Variants in MCF2L observed in about 807,000 individuals in gnomAD.
The protein encoded by MCF2L is guanine nucleotide exchange factor DBS.
A neutral mutation model predicts 153.4 loss-of-function variants in MCF2L; 97 were observed. The ratio of observed to expected loss-of-function variants is 0.63; its 90% CI spans 0.54 to 0.75. The LOEUF (loss-of-function observed/expected upper bound fraction) is 0.75. Ranked by LOEUF, MCF2L falls within the 30% of genes least tolerant of loss-of-function variation. The probability of loss-of-function intolerance (pLI) is 0.00; values close to 1 mark genes in which losing one functional copy is unlikely to be tolerated. For missense variants in MCF2L, 1,347 were observed against 1,495.2 expected, an observed-to-expected ratio of 0.90 and a Z score of 1.64; for synonymous variants, 659 against 632.2, an observed-to-expected ratio of 1.04 and a Z score of -0.64.
At chr13:112,994,323 G>C (rs1401452011) in intron 1 of MCF2L, among the ~76,000 whole-genome samples, 1 of 151,438 alleles carries the variant, frequency 6.6e-6, no homozygotes, top group African/African-American at 2.4e-5. Flanking sequence ...TGACGTCACT[G>C]TCTGTGCCGG....
chr13:113,076,411 C>T (rs1321761516), intron 12 of MCF2L, among the ~76,000 whole-genome samples: 1 of 152,062 alleles, frequency 6.6e-6, no homozygotes. Flanking sequence ...ATTACAGGCG[C>T]CCACCACCAA....
At chr13:112,928,448 A>C (rs1423025272) in intron 2 of MCF2L, among the ~76,000 whole-genome samples, 1 of 152,218 alleles carries the variant, frequency 6.6e-6, no homozygotes, top group Non-Finnish European at 1.5e-5. Context: ...GGAAATGTGC[A>C]CAGAGCCTAT....
At chr13:113,004,562 C>T (rs930416958) in intron 1 of MCF2L, among the ~76,000 whole-genome samples, 4 of 152,202 alleles carry the variant, frequency 2.6e-5, no homozygotes, top group South Asian at 2.1e-4. Context: ...TCACCAAAGC[C>T]GTCTGCCTGC....
In MCF2L at chr13:113,053,943, TTGA is replaced by T. The variant is rs991185700; in HGVS notation, c.370-6647_370-6645del. Among the ~76,000 whole-genome samples the T allele has an allele frequency of 6.6e-6, 1 of 152,134 alleles. No homozygotes were observed. Among genetic ancestry groups the T allele is most frequent in the African/African-American group, 2.4e-5 (1 of 41,424 alleles). On this transcript the variant is annotated intron_variant, in intron 4 of 29. Transcript: ENST00000535094. The surrounding 1 kb of genome is among the most constrained non-coding windows in gnomAD (Gnocchi z 4.4). ...AAACAACCCGAATACTCCTCAACTCTTGATGGGAGCTCAGTTCACACGGCTCCG... is the reference window on the plus strand; with the variant it reads ...AAACAACCCGAATACTCCTCAACTCTTGGGAGCTCAGTTCACACGGCTCCG...
At chr13:112,968,591 GGACCCAGC>G (rs1197899346), upstream of MCF2L, 9 of 1,537,552 alleles carry the variant, frequency 5.9e-6, no homozygotes, top group Non-Finnish European at 6.1e-6. Context: ...ACCCACGCAT[GGACCCAGC>G]GACCCACGGA....
intron 1 of MCF2L, among the ~76,000 whole-genome samples, chr13:112,896,117 T>C (rs1223430543): frequency 2.6e-5 from 4 of 152,176 alleles, no homozygotes; most frequent in Admixed American, 1.3e-4. Flanking sequence ...ACCTCCCCCA[T>C]CACTGTGCTG....
At chr13:113,014,056 G>C (rs972293699) in intron 1 of MCF2L, among the ~76,000 whole-genome samples, 11 of 152,000 alleles carry the variant, frequency 7.2e-5, no homozygotes, top group African/African-American at 2.2e-4. Flanking sequence ...CCCATGCTCC[G>C]AGCTGACGCT....
chr13:112,994,231 G>A (rs1210225491), intron 1 of MCF2L, among the ~76,000 whole-genome samples: 3 of 151,318 alleles, frequency 2.0e-5, no homozygotes, highest in East Asian at 2.0e-4. Context: ...GGGATGCCAA[G>A]CTGACATCAC....
At chr13:113,029,148 C>A (rs2085490111) in intron 3 of MCF2L, among the ~76,000 whole-genome samples, 1 of 152,194 alleles carries the variant, frequency 6.6e-6, no homozygotes, top group African/African-American at 2.4e-5. Flanking sequence ...TGGGAGGACG[C>A]CCATGTGCCC....
At chr13:113,051,255 A>T (rs1191552218) in intron 4 of MCF2L, among the ~76,000 whole-genome samples, 1 of 152,012 alleles carries the variant, frequency 6.6e-6, no homozygotes, top group Non-Finnish European at 1.5e-5. Context: ...CGGGGCGACG[A>T]GGGAAGCTGC....
At chr13:113,069,787 G>T (rs2032686816) in intron 8 of MCF2L, among the ~76,000 whole-genome samples, 1 of 152,182 alleles carries the variant, frequency 6.6e-6, no homozygotes, top group Middle Eastern at 3.2e-3. Flanking sequence ...AAACTCGGCG[G>T]CTCAGCCTAG....
At chr13:112,954,679 A>C (rs548877546) in intron 2 of MCF2L, among the ~76,000 whole-genome samples, 1 of 152,116 alleles carries the variant, frequency 6.6e-6, no homozygotes, top group South Asian at 2.1e-4. Flanking sequence ...CAGTGGCTCT[A>C]ACCTGCCCCA....
At position 113,027,987 on chromosome 13, in the gene MCF2L, C is replaced by G. The variant is rs2085418283; in HGVS notation, c.278+3229C>G. ...GTGTCCCAGGGGACGGCCGGCCTGA[C>G]AGGTACATCCGCCCCCTGATGGCAC... On this transcript the variant is annotated intron_variant, in intron 3 of 29. Transcript: ENST00000535094. The surrounding 1 kb of genome is among the most constrained non-coding windows in gnomAD (Gnocchi z 4.8). Among the ~76,000 whole-genome samples the G allele has an allele frequency of 6.6e-6, 1 of 151,932 alleles. No homozygotes were observed. Among genetic ancestry groups the G allele is most frequent in the Non-Finnish European group, 1.5e-5 (1 of 68,038 alleles).
At chr13:112,957,817 G>A (rs1321539219) in intron 2 of MCF2L, 1 of 152,118 alleles carries the variant, frequency 6.6e-6, no homozygotes, top group Non-Finnish European at 1.5e-5. Context: ...CTTTTGTGAA[G>A]TGAATTAACA....
In MCF2L at chr13:113,090,773, A is replaced by C. The variant is rs1320238133; in HGVS notation, c.2953+1045A>C. 3.0e-6 allele frequency: 3 copies of C among 985,344 alleles called. No individual in the cohort carries two copies. In the African/African-American group the frequency reaches 5.2e-5, roughly 17 times the overall value. 61.0% of individuals were successfully genotyped at this position (985,344 alleles called of 1,614,324 possible). ...GAAGTAGGAGTGTTTTCCAATTTAT[A>C]AAATGCTTTTAAGTTGGCCTGAGAC... On this transcript the variant is annotated intron_variant, in intron 26 of 29. Transcript: ENST00000535094.
intron 2 of MCF2L, among the ~76,000 whole-genome samples, chr13:112,935,765 T>C (rs2081508652): frequency 1.3e-5 from 2 of 152,190 alleles, no homozygotes; most frequent in South Asian, 4.1e-4. Flanking sequence ...GAATCTGTAG[T>C]TAAGATGAAG....
chr13:112,962,421 G>A (rs954328799), intron 2 of MCF2L, among the ~76,000 whole-genome samples: 8 of 152,298 alleles, frequency 5.3e-5, no homozygotes, highest in South Asian at 2.1e-4. Flanking sequence ...GGTGGGTTGC[G>A]GTCCCTGTGT....
intron 2 of MCF2L, among the ~76,000 whole-genome samples, chr13:113,016,231 C>A (rs2084505509): frequency 6.6e-6 from 1 of 152,202 alleles, no homozygotes; most frequent in Non-Finnish European, 1.5e-5. Flanking sequence ...CTCAGCTAAG[C>A]CCTTAGAAGA....
intron 5 of MCF2L, among the ~76,000 whole-genome samples, chr13:113,062,592 A>G (rs1431748284): frequency 1.3e-5 from 2 of 152,116 alleles, no homozygotes; most frequent in East Asian, 3.8e-4. Flanking sequence ...TTTCACAGAA[A>G]TCACCGGCAT....
Sources: gnomAD v4.1 joint callset for allele counts (sites outside exome capture counted in the v4.1 genomes callset) on GRCh38, gnomAD v4.1.1 for gene constraint, Gnocchi (gnomAD v3.1) non-coding constraint, MANE v1.5 for transcripts, NCBI Gene and HGNC (gene_info 2026-07-23, HGNC 2026-07-21) for gene names.